CLCN1: variants seen among roughly 807,000 people sequenced by gnomAD.
CLCN1 encodes chloride channel protein 1.
In CLCN1, 100 loss-of-function variants were observed where a neutral mutation model predicts 114.5. That is an observed-to-expected ratio of 0.87 (90% CI 0.74 to 1.03). CLCN1 has a LOEUF of 1.03. Ranked by LOEUF, CLCN1 falls within the 50% of genes least tolerant of loss-of-function variation. The pLI is 0.00. For synonymous variants in CLCN1, 485 were observed against 487.1 expected, an observed-to-expected ratio of 1.00 and a Z score of 0.06; for missense variants, 1,188 against 1,250.0, an observed-to-expected ratio of 0.95 and a Z score of 0.75.
intron 7 of CLCN1, among the ~76,000 whole-genome samples, chr7:143,329,587 G>A (rs575592633): frequency 6.6e-6 from 1 of 152,298 alleles, no homozygotes; most frequent in East Asian, 1.9e-4. Context: ...TTCAAGAGAT[G>A]TGGCCTTTGA....
At chr7:143,334,463 G>A (rs1424208376) in intron 12 of CLCN1, among the ~76,000 whole-genome samples, 1 of 152,088 alleles carries the variant, frequency 6.6e-6, no homozygotes, top group Non-Finnish European at 1.5e-5. Context: ...AATAGCTACA[G>A]TGGGTTCATG....
chr7:143,342,181 G>A (rs1209563024), intron 15 of CLCN1, 39 bp downstream of exon 15: 38 of 1,586,244 alleles, frequency 2.4e-5, no homozygotes, highest in Non-Finnish European at 3.2e-5. Context: ...GATCTGATGG[G>A]GAGAGTGGGA....
chr7:143,320,549 G>C, intron 2 of CLCN1, 115 bp from the exon 3 acceptor site: 1 of 975,348 alleles, frequency 1.0e-6, no homozygotes, highest in East Asian at 2.7e-5. Flanking sequence ...CTCGTTAGCT[G>C]CTTTTCTCTC....
At chr7:143,340,971 A>C (rs1265237087) in intron 14 of CLCN1, among the ~76,000 whole-genome samples, 2 of 152,244 alleles carry the variant, frequency 1.3e-5, no homozygotes, top group Non-Finnish European at 2.9e-5. Flanking sequence ...AAAATTAACA[A>C]GATAGATTCT....
chr7:143,335,207 C>T (rs1802842002), intron 12 of CLCN1, among the ~76,000 whole-genome samples: 1 of 152,166 alleles, frequency 6.6e-6, no homozygotes, highest in African/African-American at 2.4e-5. Flanking sequence ...TGTCTGGATT[C>T]CACTTCGCAA....
Position 143,332,493 on chromosome 7 carries a change from T to A in CLCN1, c.1241T>A (p.Met414Lys). 6.2e-7 allele frequency: 1 copy of A among 1,613,798 alleles called. No individual in the cohort carries two copies. The highest frequency in any genetic ancestry group is 2.2e-5 in the East Asian group (1 of 44,882). Residue 414 changes from methionine (M) to lysine (K), a missense_variant, in exon 11 of 23, where the codon ATG (methionine) becomes AAG (lysine). By Grantham distance (95) the Met-to-Lys change is moderately conservative (BLOSUM62 -1). Coordinates refer to ENST00000343257, the MANE Select transcript of CLCN1 (RefSeq NM_000083.3). ...FTFPPGMGQF[M>K]AGELMPREAI... is the part of the protein sequence containing the mutation. Reference sequence around the variant, plus strand: ...TTCCCACCAGGAATGGGTCAATTCATGGCTGGAGAGGTCAGCTGTTGGTGG... The same window carrying A: ...TTCCCACCAGGAATGGGTCAATTCAAGGCTGGAGAGGTCAGCTGTTGGTGG...
chr7:143,319,699 C>G, intron 1 of CLCN1, 56 bp from the exon 2 acceptor site: 1 of 1,589,060 alleles, frequency 6.3e-7, no homozygotes, highest in East Asian at 2.2e-5. Context: ...TGGCCTCTGT[C>G]TATTATTTTT....
At chr7:143,331,402 T>G (rs1316220571) in intron 9 of CLCN1, 86 bp downstream of exon 9, 1 of 1,185,930 alleles carries the variant, frequency 8.4e-7, no homozygotes, top group Non-Finnish European at 1.3e-6. Context: ...AGAAAGAAGG[T>G]GCGGTTGGCA....
chr7:143,345,894 T>A, intron 17 of CLCN1, 132 bp downstream of exon 17: 8 of 1,264,630 alleles, frequency 6.3e-6, no homozygotes, highest in African/African-American at 1.5e-5. Context: ...GAGGGGAGAG[T>A]CTGGTAACTG....
At chr7:143,331,162 T>C (rs2116852740) in intron 8 of CLCN1, 70 bp from the exon 9 acceptor site, 2 of 1,205,752 alleles carry the variant, frequency 1.7e-6, no homozygotes, top group East Asian at 4.7e-5. Flanking sequence ...TCCTGAAAAC[T>C]GCCCACCTCT....
Position 143,321,570 on chromosome 7 carries a change from C to A in CLCN1, c.562+77C>A. 6.2e-7 allele frequency: 1 copy of A among 1,610,346 alleles called. No homozygotes were observed. Among genetic ancestry groups the A allele is most frequent in the East Asian group, 2.2e-5 (1 of 44,850 alleles). ...CTGTCTGTCTCCCCCATCATCCAGC[C>A]CCACCCACAGCCCTGTGCTGCCTTG... On this transcript the variant is annotated intron_variant, in intron 4 of 22. Coordinates refer to ENST00000343257, the MANE Select transcript of CLCN1 (RefSeq NM_000083.3). This position sits in a 1 kb window ranked among gnomAD's most constrained non-coding sequence, Gnocchi z 4.2.
At chr7:143,349,871 A>G (rs539180696) in intron 20 of CLCN1, among the ~76,000 whole-genome samples, 1 of 152,348 alleles carries the variant, frequency 6.6e-6, no homozygotes, top group South Asian at 2.1e-4. Flanking sequence ...TACTATGGGA[A>G]TAAAAAAGGG....
intron 14 of CLCN1, among the ~76,000 whole-genome samples, chr7:143,340,243 C>T (rs1258467850): frequency 2.0e-5 from 3 of 152,184 alleles, no homozygotes; most frequent in Non-Finnish European, 4.4e-5. Flanking sequence ...TGCTGACCAG[C>T]TTTCTAGCTC....
In CLCN1 at chr7:143,332,497, T is replaced by A; in HGVS notation, c.1245T>A (p.Ala415=). 3.7e-6 allele frequency: 6 copies of A among 1,613,430 alleles called. No homozygotes were observed. The East Asian group carries it at 1.3e-4, about 36-fold the overall frequency. Residue 415 remains alanine (A), a synonymous_variant, in exon 11 of 23, where the codon GCT becomes GCA. Coordinates refer to ENST00000343257, the MANE Select transcript of CLCN1 (RefSeq NM_000083.3). ...CACCAGGAATGGGTCAATTCATGGCTGGAGAGGTCAGCTGTTGGTGGGGCC... is the reference window on the plus strand; with the variant it reads ...CACCAGGAATGGGTCAATTCATGGCAGGAGAGGTCAGCTGTTGGTGGGGCC... ...TFPPGMGQFM[A]GELMPREAIS... is the part of the protein sequence containing the mutation.
At chr7:143,331,407 T>G in intron 9 of CLCN1, 91 bp downstream of exon 9, 1 of 1,162,848 alleles carries the variant, frequency 8.6e-7, no homozygotes, top group Non-Finnish European at 1.3e-6. Context: ...GAAGGTGCGG[T>G]TGGCACAGAT....
At chr7:143,330,009 G>A (rs568327330) in intron 7 of CLCN1, among the ~76,000 whole-genome samples, 79 of 151,972 alleles carry the variant, frequency 5.2e-4, no homozygotes, top group African/African-American at 1.7e-3. Context: ...CAGCACCTAC[G>A]CTCAGAAACA....
chr7:143,317,450 T>C (rs1025590792), intron 1 of CLCN1, among the ~76,000 whole-genome samples: 2 of 152,132 alleles, frequency 1.3e-5, no homozygotes, highest in African/African-American at 4.8e-5. Context: ...GGTTTTGCCA[T>C]GTTGGCCAGG....
rs114486957 is a variant in CLCN1 at position 143,320,827 on chromosome 7, G to A, written c.433+32G>A. On this transcript the variant is annotated intron_variant, in intron 3 of 22. Transcript: ENST00000343257. ...TTAACCTGGACCTTTGCCCACAGCC[G>A]TTTCTGGAGTTTCTACCTAGGGTAA... The A allele has an allele frequency of 1.0e-3, 1,653 of 1,613,034 alleles. 19 individuals are homozygous for A. In the African/African-American group the frequency reaches 0.018, roughly 18 times the overall value.
At position 143,350,586 on chromosome 7, in the gene CLCN1, C is replaced by G. The variant is rs1327145106; in HGVS notation, c.2527C>G (p.Leu843Val). The G allele has an allele frequency of 6.2e-7, 1 of 1,614,174 alleles. No individual in the cohort carries two copies. The highest frequency in any genetic ancestry group is 1.1e-5 in the South Asian group (1 of 91,076). The change falls in exon 22 of 23, where the codon CTC (leucine) becomes GTC (valine). Residue 843 changes from leucine to valine, a missense_variant. Transcript: ENST00000343257. The surrounding 1 kb of genome is among the most constrained non-coding windows in gnomAD (Gnocchi z 5.1). ...TCCTCAGACTCATACCCTGTTTTCA[C>G]TCCTTGGCCTCCACCTCGCTTACGT... is the stretch of plus-strand genomic sequence containing the variant. Reference protein sequence around the residue: ...TLHKTHTLFSLLGLHLAYVTS... With the variant: ...TLHKTHTLFSVLGLHLAYVTS...
Sources: allele counts gnomAD v4.1 joint callset (sites outside exome capture counted in the v4.1 genomes callset), GRCh38; gene constraint gnomAD v4.1.1; non-coding constraint Gnocchi (gnomAD v3.1); transcripts MANE v1.5; gene names NCBI Gene and HGNC (gene_info 2026-07-23, HGNC 2026-07-21).